Variants in SAMD5 observed in about 807,000 individuals in gnomAD.
SAMD5 encodes sterile alpha motif domain containing 5.
SAMD5 carries 13 observed loss-of-function variants against 11.3 expected under a neutral mutation model. The observed-to-expected ratio is 1.15, with a 90% CI of 0.75 to 1.83. The LOEUF is 1.83. SAMD5 is among the 40% of genes most tolerant of loss of function. SAMD5 has a pLI of 0.00. For synonymous variants in SAMD5, 129 were observed against 111.3 expected, an observed-to-expected ratio of 1.16 and a Z score of -1.00; for missense variants, 255 against 239.1, an observed-to-expected ratio of 1.07 and a Z score of -0.44.
chr6:147,883,299 G>T, the SAMD5 span, among the ~76,000 whole-genome samples: 1 of 152,176 alleles, frequency 6.6e-6, no homozygotes, highest in Non-Finnish European at 1.5e-5. Flanking sequence ...AAAAGCTAAG[G>T]ATTAGTGTGC....
intron 1 of SAMD5, among the ~76,000 whole-genome samples, chr6:147,666,041 C>T (rs541132139): frequency 6.6e-6 from 1 of 152,274 alleles, no homozygotes; most frequent in Admixed American, 6.5e-5. Flanking sequence ...AGGGTTCAGA[C>T]GATTCTCCCG....
the SAMD5 span, among the ~76,000 whole-genome samples, chr6:147,777,932 T>G: frequency 2.6e-5 from 4 of 152,224 alleles, no homozygotes; most frequent in Admixed American, 2.6e-4. Context: ...ATTTGGTTGT[T>G]TCCACCTTTT....
At chr6:147,555,483 A>G (rs571396785) in intron 1 of SAMD5, among the ~76,000 whole-genome samples, 8 of 152,394 alleles carry the variant, frequency 5.2e-5, no homozygotes, top group African/African-American at 1.4e-4. Context: ...CAGAAAACTT[A>G]TACTTGCCCC....
At chr6:147,816,281 C>CAAAAAAAAA in the SAMD5 span, among the ~76,000 whole-genome samples, 1 of 27,844 alleles carries the variant, frequency 3.6e-5, no homozygotes, top group Non-Finnish European at 5.8e-5. Context: ...ACTCCGTCTC[C>CAAAAAAAAA]AAAAAAAAAA....
chr6:147,727,051 C>G (rs1422340598), intron 1 of SAMD5, among the ~76,000 whole-genome samples: 5 of 152,158 alleles, frequency 3.3e-5, no homozygotes, highest in Non-Finnish European at 7.4e-5. Flanking sequence ...TTGCTGAAAG[C>G]CTTTTAACTT....
downstream of SAMD5, among the ~76,000 whole-genome samples, chr6:147,574,594 C>T (rs1789190932): frequency 6.6e-6 from 1 of 152,138 alleles, no homozygotes; most frequent in Non-Finnish European, 1.5e-5. Flanking sequence ...ATGCCTGAGA[C>T]TGGGTAAAGA....
chr6:147,559,293 A>G (rs1788909447), intron 1 of SAMD5, among the ~76,000 whole-genome samples: 1 of 152,236 alleles, frequency 6.6e-6, no homozygotes, highest in Admixed American at 6.5e-5. Context: ...AAAGTAGGGA[A>G]TTTGCATAGC....
chr6:147,703,376 A>G (rs1791282028), intron 1 of SAMD5, among the ~76,000 whole-genome samples: 1 of 152,046 alleles, frequency 6.6e-6, no homozygotes, highest in East Asian at 1.9e-4. Flanking sequence ...CCGGCTACTC[A>G]CTTGTAATTT....
the SAMD5 span, among the ~76,000 whole-genome samples, chr6:147,869,833 G>C: frequency 1.3e-5 from 2 of 151,910 alleles, no homozygotes; most frequent in Non-Finnish European, 1.5e-5. Flanking sequence ...GAGTAGTTGG[G>C]ACCACAGGTG....
chr6:147,609,366 C>G (rs189480219), intron 1 of SAMD5, among the ~76,000 whole-genome samples: 1 of 152,210 alleles, frequency 6.6e-6, no homozygotes, highest in African/African-American at 2.4e-5. Context: ...TTAGAAGGAG[C>G]CAACTCTGCC....
At chr6:147,944,491 A>G in the SAMD5 span, among the ~76,000 whole-genome samples, 1 of 152,098 alleles carries the variant, frequency 6.6e-6, no homozygotes, top group Non-Finnish European at 1.5e-5. Context: ...CCGTGATTCA[A>G]TTACCTCCCA....
At chr6:147,798,550 T>G in the SAMD5 span, among the ~76,000 whole-genome samples, 7 of 151,670 alleles carry the variant, frequency 4.6e-5, no homozygotes, top group Non-Finnish European at 8.8e-5. Context: ...TTCTGTTGAT[T>G]TGGGGTGGAG....
At chr6:147,934,207 A>G in the SAMD5 span, among the ~76,000 whole-genome samples, 1 of 152,244 alleles carries the variant, frequency 6.6e-6, no homozygotes, top group African/African-American at 2.4e-5. Context: ...GAAAGAAGTC[A>G]TTCTATAATA....
In SAMD5 at chr6:147,569,555, C is replaced by A; in HGVS notation, c.*5099C>A. On this transcript the variant is annotated 3_prime_UTR_variant, in exon 2 of 2. Coordinates refer to ENST00000367474, the MANE Select transcript of SAMD5 (RefSeq NM_001030060.3). ...TAATACCCTTAATTAGATGAATTAT[C>A]CCTTATCATTCCAAAAATGAAATGC... 1.1e-6 allele frequency: 1 copy of A among 928,102 alleles called. No homozygotes were observed. Among genetic ancestry groups the A allele is most frequent in the Non-Finnish European group, 1.3e-6 (1 of 777,874 alleles). The allele number at this position is 928,102 out of a possible 1,614,324, so 57.5% of individuals were successfully genotyped here.
intron 1 of SAMD5, among the ~76,000 whole-genome samples, chr6:147,587,386 T>A (rs964003010): frequency 6.6e-6 from 1 of 152,004 alleles, no homozygotes; most frequent in African/African-American, 2.4e-5. Flanking sequence ...TATAGGCATG[T>A]GCCACTGTGC....
intron 1 of SAMD5, among the ~76,000 whole-genome samples, chr6:147,650,060 G>A (rs1270005554): frequency 2.6e-5 from 4 of 152,212 alleles, no homozygotes. Flanking sequence ...CACAACAGAT[G>A]TGTACCTGAA....
chr6:147,722,260 C>G (rs1000306238), intron 1 of SAMD5, among the ~76,000 whole-genome samples: 2 of 151,798 alleles, frequency 1.3e-5, no homozygotes. Context: ...CACTTCATTC[C>G]AGTATATAGT....
chr6:147,716,709 T>A (rs1435298931), intron 1 of SAMD5, among the ~76,000 whole-genome samples: 2 of 152,214 alleles, frequency 1.3e-5, no homozygotes, highest in Admixed American at 1.3e-4. Flanking sequence ...CCACTCTAGA[T>A]GGGTCACTGC....
chr6:147,937,594 C>T, the SAMD5 span, among the ~76,000 whole-genome samples: 1 of 152,128 alleles, frequency 6.6e-6, no homozygotes, highest in African/African-American at 2.4e-5. Flanking sequence ...AATAATGAGG[C>T]AGGACTCGCT....
Sources: gnomAD v4.1 joint callset for allele counts (sites outside exome capture counted in the v4.1 genomes callset) on GRCh38, gnomAD v4.1.1 for gene constraint, MANE v1.5 for transcripts, NCBI Gene and HGNC (gene_info 2026-07-23, HGNC 2026-07-21) for gene names.